RUNX1: variants seen among roughly 807,000 people sequenced by gnomAD.
RUNX1 encodes the protein RUNX family transcription factor 1, also known as runt-related transcription factor 1.
RUNX1 carries 19 observed loss-of-function variants against 42.8 expected under a neutral mutation model. The ratio of observed to expected loss-of-function variants is 0.44; its 90% CI spans 0.31 to 0.65. The LOEUF (loss-of-function observed/expected upper bound fraction) is 0.65. Ranked by LOEUF, RUNX1 falls within the 30% of genes least tolerant of loss-of-function variation. RUNX1 has a pLI of 0.07. For missense variants in RUNX1, 528 were observed against 672.0 expected, an observed-to-expected ratio of 0.79 and a Z score of 2.37; for synonymous variants, 271 against 289.4, an observed-to-expected ratio of 0.94 and a Z score of 0.64.
intron 2 of RUNX1, among the ~76,000 whole-genome samples, chr21:35,027,598 A>C (rs2059246580): frequency 6.6e-6 from 1 of 152,230 alleles, no homozygotes; most frequent in Non-Finnish European, 1.5e-5. Context: ...AAGGGAAGGA[A>C]AGTTTGAAAT....
At chr21:34,847,401 GATA>G (rs1231325403) in intron 6 of RUNX1, among the ~76,000 whole-genome samples, 1 of 152,010 alleles carries the variant, frequency 6.6e-6, no homozygotes, top group Non-Finnish European at 1.5e-5. Context: ...GACACGACGA[GATA>G]ATATCTACTT....
At position 34,790,217 on chromosome 21, in the gene RUNX1, CAAAT is replaced by C. The variant is rs2056417142; in HGVS notation, c.*1914_*1917del. ...AAAGTGCTACTGCATGTGTGTAAAA[CAAAT>C]AATCAATATATATATAAGAAAACTC... On this transcript the variant is annotated 3_prime_UTR_variant, in exon 9 of 9. Transcript: ENST00000675419. 1.3e-5 allele frequency: 3 copies of C among 233,048 alleles called. No homozygotes were observed. Among genetic ancestry groups the C allele is most frequent in the Non-Finnish European group, 2.5e-5 (3 of 117,808 alleles). 14.4% of individuals were successfully genotyped at this position (233,048 alleles called of 1,614,324 possible).
rs559049181 is a variant in RUNX1, at chr21:35,006,586, G to C, written c.58+42256C>G. 6.6e-5 allele frequency among the ~76,000 whole-genome samples: 10 copies of C among 152,314 alleles called. No individual in the cohort carries two copies. In the South Asian group the frequency reaches 2.1e-3, roughly 32 times the overall value. ...GCAACCTCTCTGGATCAGAAGAGGA[G>C]AGCAATAATACCAGTATCCTGGTTG... On this transcript the variant is annotated intron_variant, in intron 2 of 8. Coordinates refer to ENST00000675419, the MANE Select transcript of RUNX1 (RefSeq NM_001754.5).
At chr21:34,832,490 A>G (rs112065346) in intron 7 of RUNX1, among the ~76,000 whole-genome samples, 3,015 of 152,294 alleles carry the variant, frequency 0.02, 93 homozygotes, top group African/African-American at 0.067. Flanking sequence ...AAATCCCTTA[A>G]TCAACCTAGT....
intron 2 of RUNX1, among the ~76,000 whole-genome samples, chr21:34,909,477 G>A (rs946096040): frequency 6.6e-6 from 1 of 150,898 alleles, no homozygotes; most frequent in Non-Finnish European, 1.5e-5. Flanking sequence ...GATAGATGAA[G>A]AAGGTGGTAC....
intron 2 of RUNX1, among the ~76,000 whole-genome samples, chr21:34,996,268 G>C (rs58556485): frequency 0.14 from 22,025 of 151,966 alleles, 1,752 homozygotes; most frequent in Admixed American, 0.22. Context: ...TAGAGCTCAG[G>C]TGTGATAACT....
At chr21:34,889,854 C>T in intron 3 of RUNX1, 1 of 1,093,308 alleles carries the variant, frequency 9.1e-7, no homozygotes, top group African/African-American at 1.6e-5. Context: ...TCCCTCCACG[C>T]CCTCCCTGCC....
At position 35,048,974 on chromosome 21, in the gene RUNX1, C is replaced by T. The variant is rs1427498677; in HGVS notation, c.-59-16G>A. 1.0e-5 allele frequency: 13 copies of T among 1,262,056 alleles called. No individual in the cohort carries two copies. Among genetic ancestry groups the T allele is most frequent in the Non-Finnish European group, 1.4e-5 (12 of 862,518 alleles). The allele number at this position is 1,262,056 out of a possible 1,614,324, so 78.2% of individuals were successfully genotyped here. On this transcript the variant is annotated splice_polypyrimidine_tract_variant and intron_variant, in intron 1 of 8. Transcript: ENST00000675419. ...TTTCTTTTACCTTCGGAGCGAAAAC[C>T]AAGACAGGTCACTGTTTCAGCCTCA...
chr21:34,791,929 A>G lies in RUNX1; in HGVS notation c.*206T>C, dbSNP rs2056440707. ...CCTCCGCGAGGGCCGGGGCGCCAGC[A>G]GACGGCGGCGGCGTGGGCTTCTGGG... On this transcript the variant is annotated 3_prime_UTR_variant, in exon 9 of 9. Coordinates refer to ENST00000675419, the MANE Select transcript of RUNX1 (RefSeq NM_001754.5). The G allele has an allele frequency of 6.1e-6, 2 of 326,984 alleles. No individual in the cohort carries two copies. Among genetic ancestry groups the G allele is most frequent in the East Asian group, 1.0e-4 (2 of 19,524 alleles). The allele number at this position is 326,984 out of a possible 1,614,324, so 20.3% of individuals were successfully genotyped here.
intron 2 of RUNX1, among the ~76,000 whole-genome samples, chr21:34,978,148 C>G (rs1353047914): frequency 6.6e-6 from 1 of 152,174 alleles, no homozygotes; most frequent in East Asian, 1.9e-4. Flanking sequence ...CCGTGTTAGC[C>G]AGGATGGTCT....
chr21:34,874,314 T>A (rs2057782198), intron 5 of RUNX1, among the ~76,000 whole-genome samples: 1 of 152,030 alleles, frequency 6.6e-6, no homozygotes, highest in Non-Finnish European at 1.5e-5. Flanking sequence ...AAAACAGCCT[T>A]AAGACAGTAC....
At chr21:34,931,351 C>A (rs35664064) in intron 2 of RUNX1, among the ~76,000 whole-genome samples, 13,067 of 143,786 alleles carry the variant, frequency 0.091, 886 homozygotes, top group African/African-American at 0.19. Context: ...TATATATATA[C>A]ATGTGTATAT....
At chr21:34,966,436 G>A (rs1569129109) in intron 2 of RUNX1, among the ~76,000 whole-genome samples, 1 of 152,144 alleles carries the variant, frequency 6.6e-6, no homozygotes, top group South Asian at 2.1e-4. Context: ...AGCTCCAAAT[G>A]GTTAAGCCAC....
intron 6 of RUNX1, among the ~76,000 whole-genome samples, chr21:34,853,139 G>C (rs1403615496): frequency 6.6e-6 from 1 of 152,134 alleles, no homozygotes; most frequent in Non-Finnish European, 1.5e-5. Context: ...CAACACCCCG[G>C]GGTCAGGTCC....
intron 7 of RUNX1, among the ~76,000 whole-genome samples, chr21:34,811,855 C>T (rs1011787526): frequency 6.6e-6 from 1 of 152,008 alleles, no homozygotes; most frequent in Non-Finnish European, 1.5e-5. Flanking sequence ...CAGACCCACC[C>T]GCTCCAGCTT....
intron 2 of RUNX1, among the ~76,000 whole-genome samples, chr21:34,937,383 T>C (rs1236548761): frequency 2.0e-5 from 3 of 148,368 alleles, no homozygotes; most frequent in South Asian, 4.4e-4. Context: ...CAGTGACTCA[T>C]AGGCTCTGGG....
At chr21:35,019,148 A>T (rs956403479) in intron 2 of RUNX1, among the ~76,000 whole-genome samples, 9 of 152,134 alleles carry the variant, frequency 5.9e-5, no homozygotes, top group African/African-American at 2.2e-4. Context: ...ACCTTCTAAC[A>T]CTGCATCCCC....
chr21:35,017,144 C>T (rs1213699624), intron 2 of RUNX1, among the ~76,000 whole-genome samples: 1 of 152,016 alleles, frequency 6.6e-6, no homozygotes, highest in Non-Finnish European at 1.5e-5. Context: ...CCTTCTGTTC[C>T]CTGCACCCAG....
chr21:34,808,457 AGCTTTGTG>A (rs1286650340), intron 7 of RUNX1, among the ~76,000 whole-genome samples: 3 of 152,040 alleles, frequency 2.0e-5, no homozygotes, highest in Non-Finnish European at 4.4e-5. Context: ...TCGCCGGGGA[AGCTTTGTG>A]GCTTTGTGGT....
Sources: allele counts gnomAD v4.1 joint callset (sites outside exome capture counted in the v4.1 genomes callset), GRCh38; gene constraint gnomAD v4.1.1; transcripts MANE v1.5; gene names NCBI Gene and HGNC (gene_info 2026-07-23, HGNC 2026-07-21).